Variants in USO1 observed in about 807,000 individuals in gnomAD.
USO1 encodes general vesicular transport factor p115.
USO1 carries 57 observed loss-of-function variants against 124.5 expected under a neutral mutation model. The ratio of observed to expected loss-of-function variants is 0.46; its 90% CI spans 0.37 to 0.57. USO1 has a LOEUF of 0.57. USO1 is among the 20% of genes least tolerant of loss of function. The pLI, the probability that USO1 is intolerant of heterozygous loss-of-function variation, is 0.00. For synonymous variants in USO1, 369 were observed against 362.8 expected, an observed-to-expected ratio of 1.02 and a Z score of -0.19; for missense variants, 900 against 1,040.6, an observed-to-expected ratio of 0.86 and a Z score of 1.86.
intron 1 of USO1, among the ~76,000 whole-genome samples, chr4:75,729,129 T>A (rs1720553643): frequency 6.6e-6 from 1 of 152,108 alleles, no homozygotes; most frequent in Non-Finnish European, 1.5e-5. Context: ...TCATTTCTCT[T>A]TTTTACTTGA....
At chr4:75,758,225 T>A (rs1721499033) in intron 4 of USO1, among the ~76,000 whole-genome samples, 1 of 152,238 alleles carries the variant, frequency 6.6e-6, no homozygotes, top group Non-Finnish European at 1.5e-5. Flanking sequence ...TTGTTCTATA[T>A]GTTGCAAAAC....
chr4:75,804,254 C>T lies in USO1; in HGVS notation c.2107C>T (p.Leu703Phe). ...CCAGCAGCACAAAGACCAGTATAAT[C>T]TTCTTAAAATACAGCTAGGTAAGCA... ...QIQQHKDQYN[L>F]LKIQLGKDNQ... Residue 703 changes from leucine to phenylalanine, a missense_variant, in exon 18 of 24, where the codon CTT becomes TTT. Physicochemically the swap from Leu to Phe is conservative, Grantham distance 22. Coordinates refer to ENST00000514213, the MANE Select transcript of USO1 (RefSeq NM_003715.4). 6.2e-7 allele frequency: 1 copy of T among 1,611,328 alleles called. No individual in the cohort carries two copies. The highest frequency in any genetic ancestry group is 8.5e-7 in the Non-Finnish European group (1 of 1,178,654).
intron 8 of USO1, among the ~76,000 whole-genome samples, chr4:75,779,793 G>C (rs1722168679): frequency 1.3e-5 from 2 of 152,222 alleles, no homozygotes; most frequent in Non-Finnish European, 2.9e-5. Flanking sequence ...GTATCCAGAA[G>C]ATTTAGTTAA....
At chr4:75,747,845 G>C (rs1271602481) in intron 1 of USO1, among the ~76,000 whole-genome samples, 1 of 146,082 alleles carries the variant, frequency 6.8e-6, no homozygotes, top group Non-Finnish European at 1.5e-5. Flanking sequence ...TCGATCTCCT[G>C]ACCTCCTGAT....
At chr4:75,731,216 A>G (rs1200210206) in intron 1 of USO1, among the ~76,000 whole-genome samples, 3 of 152,122 alleles carry the variant, frequency 2.0e-5, no homozygotes, top group African/African-American at 4.8e-5. Flanking sequence ...TGAAGATAAG[A>G]TTTGCTTTTG....
At chr4:75,754,303 G>A (rs762930006) in intron 3 of USO1, among the ~76,000 whole-genome samples, 79 of 150,480 alleles carry the variant, frequency 5.2e-4, no homozygotes, top group African/African-American at 1.9e-3. Context: ...GGCTGGTCTC[G>A]AACTCCTGAA....
intron 4 of USO1, among the ~76,000 whole-genome samples, chr4:75,763,528 A>G (rs771568405): frequency 9.9e-5 from 15 of 152,134 alleles, no homozygotes; most frequent in Non-Finnish European, 2.1e-4. Context: ...TCAGTTTTTG[A>G]TGGGCTTATC....
At chr4:75,801,385 T>A (rs751107809) in intron 17 of USO1, among the ~76,000 whole-genome samples, 185 bp downstream of exon 17, 8 of 152,226 alleles carry the variant, frequency 5.3e-5, no homozygotes, top group Non-Finnish European at 1.2e-4. Flanking sequence ...GCAGCTGATT[T>A]ATTAGATAAT....
chr4:75,750,675 G>T (rs1403596892), intron 1 of USO1, among the ~76,000 whole-genome samples: 32 of 151,890 alleles, frequency 2.1e-4, no homozygotes, highest in Admixed American at 2.1e-3. Context: ...AGTAGAGACA[G>T]GGTTTCACCA....
At chr4:75,799,880 T>C in intron 14 of USO1, 148 bp downstream of exon 14, 3 of 915,076 alleles carry the variant, frequency 3.3e-6, no homozygotes, top group South Asian at 3.7e-5. Flanking sequence ...AAAGTTGTTA[T>C]GATGCTTGTT....
At position 75,744,676 on chromosome 4, in the gene USO1, T is replaced by C. The variant is rs192144847; in HGVS notation, c.67-7697T>C. On this transcript the variant is annotated intron_variant, in intron 1 of 23. Transcript: ENST00000514213. The stretch of plus-strand genomic sequence containing the variant: ...CTCAGGTGATCTGCCTGCCTTGGCC[T>C]CCCAAAGTGCTGGGATTAGAGGCGT... Among the ~76,000 whole-genome samples the C allele has an allele frequency of 7.9e-4, 121 of 152,348 alleles. No homozygotes were observed. In the East Asian group the frequency reaches 0.02, roughly 25 times the overall value.
rs753361866 is a variant in USO1 at position 75,810,470 on chromosome 4, A to G, written c.2514A>G (p.Ile838Met). ...AGGTACAAGGAGAGACCGAGACTAT[A>G]ATAGCCACCAAAACTACTGATGTAG... The part of the protein sequence containing the change: ...SVEVQGETET[I>M]IATKTTDVEG... The change falls in exon 22 of 24, where the codon ATA becomes ATG. Residue 838 changes from isoleucine to methionine, a missense_variant. Transcript: ENST00000514213. 2.5e-6 allele frequency: 4 copies of G among 1,613,098 alleles called. No homozygotes were observed. The South Asian group carries it at 3.3e-5, about 13-fold the overall frequency.
intron 1 of USO1, among the ~76,000 whole-genome samples, chr4:75,736,153 T>C (rs2149140322): frequency 6.6e-6 from 1 of 152,258 alleles, no homozygotes; most frequent in East Asian, 1.9e-4. Context: ...CAGTTCTCTT[T>C]CCAGAGATAA....
At chr4:75,766,011 C>G (rs1417678150) in intron 4 of USO1, among the ~76,000 whole-genome samples, 1 of 152,030 alleles carries the variant, frequency 6.6e-6, no homozygotes, top group Non-Finnish European at 1.5e-5. Context: ...TACCTGTTTT[C>G]CTGAAGTGGA....
intron 9 of USO1, among the ~76,000 whole-genome samples, chr4:75,784,564 C>T (rs1722307045): frequency 6.6e-6 from 1 of 152,114 alleles, no homozygotes; most frequent in Admixed American, 6.6e-5. Context: ...CCTATGATCC[C>T]AGCACTTGGG....
At chr4:75,775,752 T>C (rs1457236109) in intron 8 of USO1, among the ~76,000 whole-genome samples, 2 of 152,106 alleles carry the variant, frequency 1.3e-5, no homozygotes, top group African/African-American at 4.8e-5. Context: ...CATAGTATAT[T>C]CCTATTCCAC....
At chr4:75,739,154 G>C (rs1433378751) in intron 1 of USO1, among the ~76,000 whole-genome samples, 1 of 152,054 alleles carries the variant, frequency 6.6e-6, no homozygotes, top group Non-Finnish European at 1.5e-5. Context: ...GCCCAGCCAA[G>C]TTTTTTTAAA....
chr4:75,732,019 A>G (rs936740801), intron 1 of USO1, among the ~76,000 whole-genome samples: 1 of 152,172 alleles, frequency 6.6e-6, no homozygotes, highest in Non-Finnish European at 1.5e-5. Flanking sequence ...TTTTTTCCCC[A>G]TAACTTTAAA....
At chr4:75,790,272 G>A (rs1194879571) in intron 11 of USO1, 34 bp downstream of exon 11, 1 of 1,559,996 alleles carries the variant, frequency 6.4e-7, no homozygotes, top group East Asian at 2.4e-5. Context: ...TTACTCTGAG[G>A]AAGTAAAAAC....
Sources: allele counts gnomAD v4.1 joint callset (sites outside exome capture counted in the v4.1 genomes callset), GRCh38; gene constraint gnomAD v4.1.1; transcripts MANE v1.5; gene names NCBI Gene and HGNC (gene_info 2026-07-23, HGNC 2026-07-21).